The following AP2A1 variants were observed in gnomAD, a reference collection of about 807,000 sequenced individuals.
AP2A1 encodes the protein adaptor related protein complex 2 subunit alpha 1, also known as AP-2 complex subunit alpha-1.
A neutral mutation model predicts 107.3 loss-of-function variants in AP2A1; 21 were observed. The ratio of observed to expected loss-of-function variants is 0.20; its 90% CI spans 0.14 to 0.28. The LOEUF is 0.28. Ranked by LOEUF, AP2A1 falls within the 10% of genes least tolerant of loss-of-function variation. AP2A1 has a pLI of 1.00. For synonymous variants in AP2A1, 602 were observed against 564.8 expected, an observed-to-expected ratio of 1.07 and a Z score of -0.93; for missense variants, 873 against 1,307.7, an observed-to-expected ratio of 0.67 and a Z score of 5.13.
chr19:49,800,543 A>G (rs1051391387), intron 11 of AP2A1: 5 of 259,836 alleles, frequency 1.9e-5, no homozygotes, highest in Middle Eastern at 1.3e-3. Flanking sequence ...ATCTCGGCTC[A>G]CTGCAACCTC....
At position 49,800,141 on chromosome 19, in the gene AP2A1, C is replaced by T. The variant is rs374354429; in HGVS notation, c.1446C>T (p.Thr482=). 63 of 1,609,610 alleles carry T rather than the reference C, an allele frequency of 3.9e-5. No individual in the cohort carries two copies. The highest frequency in any genetic ancestry group is 4.8e-5 in the Non-Finnish European group (57 of 1,176,974). The change falls in exon 11 of 23, where the codon ACC becomes ACT. Residue 482 remains threonine (T), a synonymous_variant. Coordinates refer to ENST00000354293, the MANE Select transcript of AP2A1 (RefSeq NM_130787.3). ...RDDVQGYAAK[T]VFEALQAPAC... ...ACGTCCAGGGCTATGCCGCCAAGAC[C>T]GTCTTTGAGGTCAGCATCCCTGACC...
intron 7 of AP2A1, among the ~76,000 whole-genome samples, chr19:49,797,872 G>GC (rs2073231044): frequency 6.6e-6 from 1 of 152,128 alleles, no homozygotes; most frequent in Admixed American, 6.6e-5. Context: ...CTTGAGCCCA[G>GC]GAGTTTGAGA....
At chr19:49,786,937 CCA>C (rs1243458760) in intron 4 of AP2A1, among the ~76,000 whole-genome samples, 1 of 152,154 alleles carries the variant, frequency 6.6e-6, no homozygotes, top group African/African-American at 2.4e-5. Flanking sequence ...GCTGCCCCCT[CCA>C]CACTGGAAAC....
At chr19:49,771,602 T>G (rs566911172) in intron 1 of AP2A1, among the ~76,000 whole-genome samples, 4 of 151,994 alleles carry the variant, frequency 2.6e-5, no homozygotes, top group Non-Finnish European at 5.9e-5. Context: ...AGAGACAGGG[T>G]TTCACCATGT....
At position 49,799,635 on chromosome 19, in the gene AP2A1, C is replaced by G. The variant is rs1222486293; in HGVS notation, c.1141C>G (p.Arg381Gly). The change falls in exon 10 of 23, where the codon CGG becomes GGG. Residue 381 changes from arginine (R) to glycine (G), a missense_variant. By Grantham distance (125) the Arg-to-Gly change is moderately radical (BLOSUM62 -2). Coordinates refer to ENST00000354293, the MANE Select transcript of AP2A1 (RefSeq NM_130787.3). Reference sequence around the variant, plus strand: ...CTCTGCTCTCCGCCCTCAGACGGAGCGGGACGTCAGCGTGCGGCAGCGGGC... The same window carrying G: ...CTCTGCTCTCCGCCCTCAGACGGAGGGGGACGTCAGCGTGCGGCAGCGGGC... ...DTVINALKTE[R>G]DVSVRQRAAD... The G allele has an allele frequency of 6.2e-7, 1 of 1,609,536 alleles. No homozygotes were observed. Among genetic ancestry groups the G allele is most frequent in the Non-Finnish European group, 8.5e-7 (1 of 1,179,686 alleles).
rs2073243985 is a variant in AP2A1, at chr19:49,798,973, G to A, written c.965+21G>A. On this transcript the variant is annotated intron_variant, in intron 8 of 22. Transcript: ENST00000354293. ...GACAGGTGCCCGCCTGGGCCTATCA[G>A]GGCCTGATGCCTGGGGCCAGGAAAG... is the stretch of plus-strand genomic sequence containing the variant. 1.9e-6 allele frequency: 3 copies of A among 1,551,758 alleles called. No homozygotes were observed. In the South Asian group the frequency reaches 3.6e-5, roughly 18 times the overall value.
At chr19:49,802,518 G>A (rs772552114) in intron 15 of AP2A1, 1 of 1,604,890 alleles carries the variant, frequency 6.2e-7, no homozygotes, top group South Asian at 1.1e-5. Context: ...GTCTGCTCTG[G>A]GATTGGATGG....
chr19:49,796,714 A>G (rs1452598226), intron 7 of AP2A1: 2 of 152,222 alleles, frequency 1.3e-5, no homozygotes, highest in African/African-American at 4.8e-5. Flanking sequence ...GTCTGTGTCT[A>G]TATGTGGCAG....
intron 14 of AP2A1, 41 bp downstream of exon 14, chr19:49,801,930 T>G (rs1600242993): frequency 6.9e-7 from 1 of 1,458,794 alleles, no homozygotes; most frequent in Non-Finnish European, 9.0e-7. Context: ...TGCCTGGGGC[T>G]GGGTCCTGCC....
chr19:49,779,658 T>C (rs2084654069), intron 1 of AP2A1, among the ~76,000 whole-genome samples: 2 of 152,206 alleles, frequency 1.3e-5, no homozygotes, highest in African/African-American at 4.8e-5. Context: ...CAGGCTGGTC[T>C]CCAACTCCTG....
intron 15 of AP2A1, 180 bp downstream of exon 15, chr19:49,802,321 T>G (rs1236565581): frequency 9.9e-6 from 8 of 811,778 alleles, no homozygotes; most frequent in Middle Eastern, 2.2e-4. Flanking sequence ...GCTCACGCCC[T>G]CCCTCTGCCA....
chr19:49,776,950 G>A (rs1466469993), intron 1 of AP2A1, among the ~76,000 whole-genome samples: 1 of 152,142 alleles, frequency 6.6e-6, no homozygotes, highest in Non-Finnish European at 1.5e-5. Flanking sequence ...AAGGCCAGGT[G>A]CAGTGGCTCA....
chr19:49,793,106 A>G lies in AP2A1; in HGVS notation c.705+14A>G, dbSNP rs775608642. 6.3e-6 allele frequency: 10 copies of G among 1,588,382 alleles called. No homozygotes were observed. Among genetic ancestry groups the G allele is most frequent in the Non-Finnish European group, 8.6e-6 (10 of 1,167,598 alleles). On this transcript the variant is annotated intron_variant, in intron 6 of 22. Coordinates refer to ENST00000354293, the MANE Select transcript of AP2A1 (RefSeq NM_130787.3). ...CGCCTGAGCCGGGTGGGTGTGGCCT[A>G]GATATTGGCTGCTGGAGGTGGCCCT...
chr19:49,800,709 A>C (rs1445411582), intron 11 of AP2A1: 4 of 404,490 alleles, frequency 9.9e-6, no homozygotes, highest in African/African-American at 8.4e-5. Flanking sequence ...GAGCTCAGGC[A>C]ATCTGCCCGC....
chr19:49,793,296 C>G (rs1429500580), intron 6 of AP2A1, among the ~76,000 whole-genome samples: 1 of 152,204 alleles, frequency 6.6e-6, no homozygotes, highest in Admixed American at 6.5e-5. Context: ...CCTCAGCTGC[C>G]CCCTGTGTTC....
chr19:49,795,770 G>A, intron 7 of AP2A1, 32 bp downstream of exon 7: 1 of 1,481,678 alleles, frequency 6.7e-7, no homozygotes, highest in Non-Finnish European at 9.2e-7. Flanking sequence ...CCAACCCGGG[G>A]TGGCCTGCTG....
chr19:49,793,157 C>G (rs2073168267), intron 6 of AP2A1, 65 bp downstream of exon 6: 2 of 1,402,662 alleles, frequency 1.4e-6, no homozygotes, highest in African/African-American at 1.4e-5. Flanking sequence ...TCTGACACCC[C>G]TCAGGCCCCC....
At chr19:49,801,681 C>G in intron 13 of AP2A1, 41 bp from the exon 14 acceptor site, 3 of 1,532,910 alleles carry the variant, frequency 2.0e-6, no homozygotes, top group Non-Finnish European at 2.6e-6. Flanking sequence ...CCCTCCCCTC[C>G]TCCTGACCCG....
Position 49,805,508 on chromosome 19 carries a change from G to A in AP2A1, c.2400G>A (p.Val800=). 6.4e-7 allele frequency: 1 copy of A among 1,562,620 alleles called. No homozygotes were observed. Among genetic ancestry groups the A allele is most frequent in the Middle Eastern group, 1.8e-4 (1 of 5,688 alleles). ...VAAQVDGGAQ[V]QQVLNIECLR... ...CGCAGGTGGACGGCGGCGCGCAGGTGCAGCAGGTGCTCAATATCGAGTGCC... is the reference window on the plus strand; with the variant it reads ...CGCAGGTGGACGGCGGCGCGCAGGTACAGCAGGTGCTCAATATCGAGTGCC... The change falls in exon 19 of 23, where the codon GTG becomes GTA. Residue 800 remains valine (V), a synonymous_variant. Transcript: ENST00000354293.
Sources: allele counts gnomAD v4.1 joint callset (sites outside exome capture counted in the v4.1 genomes callset), GRCh38; gene constraint gnomAD v4.1.1; transcripts MANE v1.5; gene names NCBI Gene and HGNC (gene_info 2026-07-23, HGNC 2026-07-21).